The following DNAJC6 variants were observed in gnomAD, a reference collection of about 807,000 sequenced individuals.
DNAJC6 encodes the protein auxilin.
A neutral mutation model predicts 110.0 loss-of-function variants in DNAJC6; 34 were observed. The observed-to-expected ratio is 0.31, with a 90% CI of 0.24 to 0.41. The LOEUF is 0.41. Among genes scored for constraint, DNAJC6 ranks in the 10% least tolerant of loss-of-function variants. The pLI is 1.00. For synonymous variants in DNAJC6, 406 were observed against 437.2 expected (o/e 0.93, Z 0.89); for missense variants, 1,031 against 1,207.8 (o/e 0.85, Z 2.17).
intron 1 of DNAJC6, among the ~76,000 whole-genome samples, chr1:65,362,782 A>G (rs1219158763): frequency 8.1e-6 from 1 of 122,782 alleles, no homozygotes; most frequent in Non-Finnish European, 1.8e-5. Flanking sequence ...CACATTAACC[A>G]CCTCCTCTAC....
intron 12 of DNAJC6, among the ~76,000 whole-genome samples, chr1:65,394,073 A>G (rs1318079066): frequency 6.7e-6 from 1 of 150,348 alleles, no homozygotes; most frequent in Non-Finnish European, 1.5e-5. Context: ...AAGCTCTGTC[A>G]GGAAAACAGT....
intron 1 of DNAJC6, among the ~76,000 whole-genome samples, chr1:65,300,043 C>CAAAAAAAAAAA (rs59681451): frequency 2.7e-5 from 3 of 112,044 alleles, no homozygotes; most frequent in African/African-American, 6.6e-5. Flanking sequence ...AACTCCATCT[C>CAAAAAAAAAAA]AAAAAAAAAA....
At chr1:65,294,655 T>TA (rs1324266551) in intron 1 of DNAJC6, among the ~76,000 whole-genome samples, 1 of 152,232 alleles carries the variant, frequency 6.6e-6, no homozygotes, top group Admixed American at 6.5e-5. Context: ...TAAAATATCT[T>TA]ATTGATTACA....
At chr1:65,402,437 G>C (rs892161479) in intron 15 of DNAJC6, among the ~76,000 whole-genome samples, 7 of 152,202 alleles carry the variant, frequency 4.6e-5, no homozygotes, top group African/African-American at 1.7e-4. Context: ...CTGAGAGCAG[G>C]TGAGATTGGG....
chr1:65,275,979 C>A (rs1015553683), intron 1 of DNAJC6, among the ~76,000 whole-genome samples: 2 of 151,016 alleles, frequency 1.3e-5, no homozygotes, highest in African/African-American at 4.9e-5. Context: ...GCTTTCACCT[C>A]CTGGGTTCAA....
At position 65,388,185 on chromosome 1, in the gene DNAJC6, A is replaced by C. The variant is rs1048951091; in HGVS notation, c.1114-151A>C. 1.2e-5 allele frequency: 8 copies of C among 695,128 alleles called. No homozygotes were observed. In the African/African-American group the frequency reaches 1.2e-4, roughly 11 times the overall value. The allele number at this position is 695,128 out of a possible 1,614,324, so 43.1% of individuals were successfully genotyped here. On this transcript the variant is annotated intron_variant, in intron 8 of 18. Coordinates refer to ENST00000371069, the MANE Select transcript of DNAJC6 (RefSeq NM_001256864.2). Reference sequence around the variant, plus strand: ...AGAGGCTGGAAATGAAGCTGAGCCTATTCTAACTGGGGAGGTCATTTAATA... The same window carrying C: ...AGAGGCTGGAAATGAAGCTGAGCCTCTTCTAACTGGGGAGGTCATTTAATA...
intron 17 of DNAJC6, among the ~76,000 whole-genome samples, chr1:65,410,682 A>G (rs1646120292): frequency 6.6e-6 from 1 of 152,238 alleles, no homozygotes; most frequent in Non-Finnish European, 1.5e-5. Context: ...TTCATAGTTC[A>G]AATAAATGGC....
intron 15 of DNAJC6, among the ~76,000 whole-genome samples, chr1:65,404,631 C>G (rs1646058490): frequency 1.3e-5 from 2 of 152,176 alleles, no homozygotes; most frequent in African/African-American, 4.8e-5. Flanking sequence ...GTCCAGTGAT[C>G]ATGATGCATT....
At chr1:65,321,217 G>A (rs1197316944) in intron 1 of DNAJC6, among the ~76,000 whole-genome samples, 1 of 152,122 alleles carries the variant, frequency 6.6e-6, no homozygotes, top group Non-Finnish European at 1.5e-5. Context: ...ATTTATTTGA[G>A]ACAGGGTCTT....
chr1:65,365,968 C>T lies in DNAJC6; in HGVS notation c.394+34C>T, dbSNP rs750978152. The T allele has an allele frequency of 6.2e-6, 10 of 1,612,842 alleles. No individual in the cohort carries two copies. In the East Asian group the frequency reaches 1.6e-4, roughly 25 times the overall value. On this transcript the variant is annotated intron_variant, in intron 3 of 18. Coordinates refer to ENST00000371069, the MANE Select transcript of DNAJC6 (RefSeq NM_001256864.2). ...CTCATGTTTATTAACAGTCCTTTGGCTCAGTTTCCCGTTGCTGCCCATCGT... is the reference window on the plus strand; with the variant it reads ...CTCATGTTTATTAACAGTCCTTTGGTTCAGTTTCCCGTTGCTGCCCATCGT...
intron 1 of DNAJC6, among the ~76,000 whole-genome samples, chr1:65,341,055 G>A (rs1275234523): frequency 6.6e-6 from 1 of 152,128 alleles, no homozygotes; most frequent in Non-Finnish European, 1.5e-5. Context: ...ACCTCTCTGA[G>A]CCTCATTTCT....
intron 1 of DNAJC6, among the ~76,000 whole-genome samples, chr1:65,324,486 G>A (rs948005662): frequency 6.6e-6 from 1 of 152,036 alleles, no homozygotes; most frequent in African/African-American, 2.4e-5. Flanking sequence ...AGCCTCCTGA[G>A]TAGCTGGGAT....
At chr1:65,325,096 C>T (rs918981208) in intron 1 of DNAJC6, among the ~76,000 whole-genome samples, 2 of 152,056 alleles carry the variant, frequency 1.3e-5, no homozygotes, top group African/African-American at 2.4e-5. Flanking sequence ...AGGAAGATGG[C>T]GTGGAAAGCA....
At chr1:65,333,477 T>C (rs1321732595) in intron 1 of DNAJC6, among the ~76,000 whole-genome samples, 1 of 152,122 alleles carries the variant, frequency 6.6e-6, no homozygotes, top group African/African-American at 2.4e-5. Context: ...TATAATTGTC[T>C]TCATTTCACA....
intron 1 of DNAJC6, among the ~76,000 whole-genome samples, chr1:65,344,165 C>T (rs771650314): frequency 1.6e-4 from 25 of 152,300 alleles, no homozygotes; most frequent in Non-Finnish European, 2.8e-4. Context: ...ATTTCTGCAG[C>T]CCACCAGGGT....
At chr1:65,389,877 G>A (rs763585317) in intron 11 of DNAJC6, among the ~76,000 whole-genome samples, 3 of 152,126 alleles carry the variant, frequency 2.0e-5, no homozygotes, top group Non-Finnish European at 2.9e-5. Flanking sequence ...GGTGGGAGTG[G>A]TGGCAAATGC....
intron 4 of DNAJC6, among the ~76,000 whole-genome samples, chr1:65,368,425 C>T (rs1266725944): frequency 6.6e-6 from 1 of 152,096 alleles, no homozygotes; most frequent in African/African-American, 2.4e-5. Context: ...ACACAATCTT[C>T]TTGCATGAGC....
chr1:65,343,762 A>G (rs1304341465), intron 1 of DNAJC6, among the ~76,000 whole-genome samples: 1 of 152,148 alleles, frequency 6.6e-6, no homozygotes, highest in East Asian at 1.9e-4. Context: ...GGAAAAAAAA[A>G]TATTCCGAGG....
chr1:65,358,138 C>G (rs1030473116), intron 1 of DNAJC6, among the ~76,000 whole-genome samples: 1 of 143,348 alleles, frequency 7.0e-6, no homozygotes, highest in African/African-American at 2.6e-5. Flanking sequence ...GAGATCGCAC[C>G]ACTATACTCT....
Sources: gnomAD v4.1 joint callset for allele counts (sites outside exome capture counted in the v4.1 genomes callset) on GRCh38, gnomAD v4.1.1 for gene constraint, MANE v1.5 for transcripts, NCBI Gene and HGNC (gene_info 2026-07-23, HGNC 2026-07-21) for gene names.